Variants in SH3BGRL2 observed in about 807,000 individuals in gnomAD.
SH3BGRL2 encodes SH3 domain-binding glutamic acid-rich-like protein 2.
A neutral mutation model predicts 14.8 loss-of-function variants in SH3BGRL2; 21 were observed. That is an observed-to-expected ratio of 1.42 (90% CI 1.01 to 2.05). The LOEUF (loss-of-function observed/expected upper bound fraction) is 2.05, where lower values mean the gene tolerates loss of function less well. SH3BGRL2 is among the 30% of genes most tolerant of loss of function. SH3BGRL2 has a pLI of 0.00. For synonymous variants in SH3BGRL2, 50 were observed against 47.8 expected, an observed-to-expected ratio of 1.05 and a Z score of -0.19; for missense variants, 147 against 130.8, an observed-to-expected ratio of 1.12 and a Z score of -0.61.
At chr6:79,673,150 G>A (rs1769805659) in intron 1 of SH3BGRL2, among the ~76,000 whole-genome samples, 1 of 151,382 alleles carries the variant, frequency 6.6e-6, no homozygotes, top group Non-Finnish European at 1.5e-5. Context: ...AAGGGTGAGG[G>A]TGGGGTTGGG....
chr6:79,592,731 T>C, the SH3BGRL2 span, among the ~76,000 whole-genome samples: 1 of 152,206 alleles, frequency 6.6e-6, no homozygotes, highest in Non-Finnish European at 1.5e-5. Flanking sequence ...ACCTTAAAAA[T>C]TTCAAACTTA....
the SH3BGRL2 span, among the ~76,000 whole-genome samples, chr6:79,545,144 T>A: frequency 2.0e-5 from 3 of 152,214 alleles, no homozygotes; most frequent in African/African-American, 7.2e-5. Context: ...CAACTGAACT[T>A]CTGACTCATC....
intron 1 of SH3BGRL2, among the ~76,000 whole-genome samples, chr6:79,632,176 T>A (rs1768838859): frequency 1.3e-5 from 2 of 152,232 alleles, no homozygotes; most frequent in African/African-American, 4.8e-5. Flanking sequence ...GGAAATTTTA[T>A]CCTGGGGATC....
At chr6:79,665,886 C>T (rs1176244130) in intron 1 of SH3BGRL2, among the ~76,000 whole-genome samples, 1 of 152,158 alleles carries the variant, frequency 6.6e-6, no homozygotes, top group Non-Finnish European at 1.5e-5. Flanking sequence ...TTATCCTTGG[C>T]TTGGTAATCT....
the SH3BGRL2 span, among the ~76,000 whole-genome samples, chr6:79,546,206 G>A: frequency 6.6e-6 from 1 of 152,098 alleles, no homozygotes; most frequent in African/African-American, 2.4e-5. Context: ...AGATATTGAG[G>A]AAAATCATAA....
the SH3BGRL2 span, among the ~76,000 whole-genome samples, chr6:79,537,945 T>A: frequency 6.7e-6 from 1 of 150,310 alleles, no homozygotes; most frequent in South Asian, 2.1e-4. Context: ...GAGCCGTGAG[T>A]TTGGCTTGAA....
the SH3BGRL2 span, among the ~76,000 whole-genome samples, chr6:79,562,711 T>C: frequency 6.6e-6 from 1 of 152,214 alleles, no homozygotes; most frequent in East Asian, 1.9e-4. Flanking sequence ...GGATGTCTGA[T>C]CTTTTGGCTT....
the SH3BGRL2 span, among the ~76,000 whole-genome samples, chr6:79,586,146 A>C: frequency 6.6e-6 from 1 of 151,350 alleles, no homozygotes; most frequent in Admixed American, 6.6e-5. Context: ...CGGTTAGCCA[A>C]GATAGTGCCA....
At chr6:79,594,025 C>A in the SH3BGRL2 span, among the ~76,000 whole-genome samples, 876 of 134,088 alleles carry the variant, frequency 6.5e-3, 1 homozygote, top group African/African-American at 6.8e-3. Flanking sequence ...GACTCTGTCT[C>A]AAAAAAAAAA....
intron 1 of SH3BGRL2, among the ~76,000 whole-genome samples, chr6:79,654,668 C>T (rs1396383111): frequency 6.6e-6 from 1 of 152,172 alleles, no homozygotes; most frequent in Non-Finnish European, 1.5e-5. Context: ...TCCCTACAAG[C>T]TTCAAGAGGT....
At chr6:79,552,034 G>A in the SH3BGRL2 span, among the ~76,000 whole-genome samples, 1 of 152,158 alleles carries the variant, frequency 6.6e-6, no homozygotes, top group Non-Finnish European at 1.5e-5. Context: ...AAGTTGCAGT[G>A]AGCTGAGATT....
chr6:79,652,940 C>T (rs777103034), intron 1 of SH3BGRL2, among the ~76,000 whole-genome samples: 6 of 151,954 alleles, frequency 3.9e-5, no homozygotes, highest in African/African-American at 9.7e-5. Context: ...TTAGGTAAAT[C>T]AATGATAAAT....
intron 2 of SH3BGRL2, among the ~76,000 whole-genome samples, chr6:79,686,047 G>C (rs1770083971): frequency 6.6e-6 from 1 of 152,104 alleles, no homozygotes; most frequent in Non-Finnish European, 1.5e-5. Flanking sequence ...TAAAAGACTA[G>C]ATTTAAAACC....
At chr6:79,590,591 C>G in the SH3BGRL2 span, among the ~76,000 whole-genome samples, 1 of 151,474 alleles carries the variant, frequency 6.6e-6, no homozygotes, top group South Asian at 2.1e-4. Flanking sequence ...ACTGCATGTT[C>G]TCATTTACAA....
chr6:79,694,319 A>G (rs918226657), intron 2 of SH3BGRL2, among the ~76,000 whole-genome samples: 2 of 152,250 alleles, frequency 1.3e-5, no homozygotes, highest in Admixed American at 6.5e-5. Context: ...CACGTTCAGT[A>G]TAGTCAACAA....
chr6:79,666,889 C>T (rs958105630), intron 1 of SH3BGRL2, among the ~76,000 whole-genome samples: 1 of 152,132 alleles, frequency 6.6e-6, no homozygotes, highest in Admixed American at 6.5e-5. Flanking sequence ...ATATCTAAAG[C>T]CTTTGAAAGC....
intron 1 of SH3BGRL2, among the ~76,000 whole-genome samples, chr6:79,649,479 C>G (rs1199753556): frequency 6.6e-6 from 1 of 152,040 alleles, no homozygotes; most frequent in Non-Finnish European, 1.5e-5. Context: ...CCTTAATTTC[C>G]AATTCCAGGA....
Position 79,703,114 on chromosome 6 carries a change from T to G in SH3BGRL2, c.*3605T>G, listed in dbSNP as rs1770499961. ...TTCAAATCTTCAGAGTTTTCCTAGTTCTTCTAGAAATACATGTCAGGTTTG... is the reference window on the plus strand; with the variant it reads ...TTCAAATCTTCAGAGTTTTCCTAGTGCTTCTAGAAATACATGTCAGGTTTG... On this transcript the variant is annotated 3_prime_UTR_variant, in exon 4 of 4. Transcript: ENST00000369838. 1 of 152,166 alleles carries G rather than the reference T, an allele frequency of 6.6e-6. No individual in the cohort carries two copies. The highest frequency in any genetic ancestry group is 2.1e-4 in the South Asian group (1 of 4,828). 9.4% of individuals were successfully genotyped at this position (152,166 alleles called of 1,614,324 possible). A position where few individuals can be genotyped will look rare whatever the true frequency, so the allele number is the denominator to read the frequency against.
At chr6:79,555,788 G>A in the SH3BGRL2 span, among the ~76,000 whole-genome samples, 2 of 152,148 alleles carry the variant, frequency 1.3e-5, no homozygotes, top group Non-Finnish European at 2.9e-5. Context: ...GATTACAGGC[G>A]TGAGCCACCG....
Sources: gnomAD v4.1 joint callset for allele counts (sites outside exome capture counted in the v4.1 genomes callset) on GRCh38, gnomAD v4.1.1 for gene constraint, MANE v1.5 for transcripts, NCBI Gene and HGNC (gene_info 2026-07-23, HGNC 2026-07-21) for gene names.